The following ZNF483 variants were observed in gnomAD, a reference collection of about 807,000 sequenced individuals.
ZNF483 encodes the protein zinc finger protein 483, also known as zinc finger protein HIT-10.
A neutral mutation model predicts 28.6 loss-of-function variants in ZNF483; 9 were observed. The ratio of observed to expected loss-of-function variants is 0.32; its 90% CI spans 0.19 to 0.55. The LOEUF is 0.55. Ranked by LOEUF, ZNF483 falls within the 20% of genes least tolerant of loss-of-function variation. The pLI, the probability that ZNF483 is intolerant of heterozygous loss-of-function variation, is 0.93. For synonymous variants in ZNF483, 322 were observed against 306.2 expected (o/e 1.05, Z -0.54); for missense variants, 675 against 871.7 (o/e 0.77, Z 2.84).
chr9:111,527,308 A>G lies in ZNF483; in HGVS notation c.-88A>G. 7.2e-7 allele frequency: 1 copy of G among 1,397,436 alleles called. No homozygotes were observed. Among genetic ancestry groups the G allele is most frequent in the East Asian group, 2.3e-5 (1 of 43,350 alleles). 86.6% of individuals were successfully genotyped at this position (1,397,436 alleles called of 1,614,324 possible). A position where few individuals can be genotyped will look rare whatever the true frequency, so the allele number is the denominator to read the frequency against. On this transcript the variant is annotated 5_prime_UTR_variant, in exon 2 of 6. It adds an upstream start codon to the 5' untranslated region. Coordinates refer to ENST00000309235, the MANE Select transcript of ZNF483 (RefSeq NM_133464.5). ...AAACTGGATTCCTGGAACCTTTGAT[A>G]TTCCTGGCTGTGTATAGTGCCTGTT...
Position 111,548,227 on chromosome 9 carries a change from C to T in ZNF483, c.*5057C>T, listed in dbSNP as rs188190223. On this transcript the variant is annotated 3_prime_UTR_variant, in exon 6 of 6. Transcript: ENST00000309235. ...TTGGGCTTGCATTGAATTTGTAGATCGCTTTGGGTAATGTGGACATACTAA... is the reference window on the plus strand; with the variant it reads ...TTGGGCTTGCATTGAATTTGTAGATTGCTTTGGGTAATGTGGACATACTAA... 2.7e-4 allele frequency among the ~76,000 whole-genome samples: 41 copies of T among 152,166 alleles called. No individual in the cohort carries two copies. Among genetic ancestry groups the T allele is most frequent in the African/African-American group, 8.4e-4 (35 of 41,526 alleles).
rs772558014 is a variant in ZNF483 at position 111,551,514 on chromosome 9, TCTC to T, written c.*8347_*8349del. On this transcript the variant is annotated 3_prime_UTR_variant, in exon 6 of 6. Transcript: ENST00000309235. ...CCTCCGCCTCCTGGGTTCCAGCAATTCTCCTGCTTCAGCCTCCCCAGTAGCTGA... is the reference window on the plus strand; with the variant it reads ...CCTCCGCCTCCTGGGTTCCAGCAATTCTGCTTCAGCCTCCCCAGTAGCTGA... Among the ~76,000 whole-genome samples, 1 of 150,082 alleles carries T rather than the reference TCTC, an allele frequency of 6.7e-6. No homozygotes were observed. Among genetic ancestry groups the T allele is most frequent in the African/African-American group, 2.4e-5 (1 of 40,842 alleles).
rs773326963 is a variant in ZNF483, at chr9:111,527,938, C to T, written c.412+131C>T. The T allele has an allele frequency of 5.8e-6, 9 of 1,558,244 alleles. No individual in the cohort carries two copies. In the South Asian group the frequency reaches 9.4e-5, roughly 16 times the overall value. On this transcript the variant is annotated intron_variant, in intron 2 of 5. Coordinates refer to ENST00000309235, the MANE Select transcript of ZNF483 (RefSeq NM_133464.5). Reference sequence around the variant, plus strand: ...GAAGTTGGGACTGGGTTTGAATCAGCCCTGCCATTTACTGTGTGATTTTGG... The same window carrying T: ...GAAGTTGGGACTGGGTTTGAATCAGTCCTGCCATTTACTGTGTGATTTTGG...
chr9:111,532,724 C>T (rs1827379535), intron 3 of ZNF483, among the ~76,000 whole-genome samples: 1 of 152,122 alleles, frequency 6.6e-6, no homozygotes, highest in African/African-American at 2.4e-5. Context: ...TTATAAAAAG[C>T]ATGCAGAGAA....
At position 111,545,398 on chromosome 9, in the gene ZNF483, A is replaced by G. The variant is rs1420093891; in HGVS notation, c.*2228A>G. 6.6e-6 allele frequency among the ~76,000 whole-genome samples: 1 copy of G among 152,208 alleles called. No homozygotes were observed. Among genetic ancestry groups the G allele is most frequent in the Non-Finnish European group, 1.5e-5 (1 of 68,040 alleles). On this transcript the variant is annotated 3_prime_UTR_variant, in exon 6 of 6. Transcript: ENST00000309235. ...CCAGTATCCATTGGGAATCTGGAGTATAAACTTTTTTTTTAAAGGAATTTA... is the reference window on the plus strand; with the variant it reads ...CCAGTATCCATTGGGAATCTGGAGTGTAAACTTTTTTTTTAAAGGAATTTA...
chr9:111,544,509 C>G lies in ZNF483; in HGVS notation c.*1339C>G. 1 of 309,154 alleles carries G rather than the reference C, an allele frequency of 3.2e-6. No homozygotes were observed. The highest frequency in any genetic ancestry group is 4.7e-6 in the Non-Finnish European group (1 of 211,328). 19.2% of individuals were successfully genotyped at this position (309,154 alleles called of 1,614,324 possible). ...TCAGCTGGTCCTGGGTAGCAGCTGC[C>G]ACCTTTTGATGGGGAATCAACTTTC... On this transcript the variant is annotated 3_prime_UTR_variant, in exon 6 of 6. Transcript: ENST00000309235.
rs1827806814 is a variant in ZNF483, at chr9:111,546,322, A to C, written c.*3152A>C. Among the ~76,000 whole-genome samples, 1 of 152,188 alleles carries C rather than the reference A, an allele frequency of 6.6e-6. No individual in the cohort carries two copies. Among genetic ancestry groups the C allele is most frequent in the Admixed American group, 6.5e-5 (1 of 15,280 alleles). On this transcript the variant is annotated 3_prime_UTR_variant, in exon 6 of 6. Transcript: ENST00000309235. ...AATATGAACTTTCTAAATACCATGT[A>C]CTAGCTACAGAGAGCAGCCCAAACT...
downstream of ZNF483, among the ~76,000 whole-genome samples, chr9:111,560,104 G>A (rs1156752306): frequency 1.3e-5 from 2 of 151,992 alleles, no homozygotes; most frequent in Non-Finnish European, 2.9e-5. Flanking sequence ...CCAGCACTTT[G>A]GGAGGCCTAG....
At chr9:111,528,654 CAT>C (rs544992782) in intron 2 of ZNF483, among the ~76,000 whole-genome samples, 22 of 152,250 alleles carry the variant, frequency 1.4e-4, no homozygotes, top group African/African-American at 2.6e-4. Context: ...GGGCTCCTGA[CAT>C]ATGTGTGACA....
At position 111,543,258 on chromosome 9, in the gene ZNF483, A is replaced by G. The variant is rs1055719167; in HGVS notation, c.*88A>G. ...ATGTAAACTTACAGTATTGATCAGT[A>G]GCTGCAGCTTTCGTAAATTGGCAGT... On this transcript the variant is annotated 3_prime_UTR_variant, in exon 6 of 6. Coordinates refer to ENST00000309235, the MANE Select transcript of ZNF483 (RefSeq NM_133464.5). 1.4e-6 allele frequency: 2 copies of G among 1,478,666 alleles called. No individual in the cohort carries two copies. The highest frequency in any genetic ancestry group is 2.3e-5 in the East Asian group (1 of 42,836). The allele number at this position is 1,478,666 out of a possible 1,614,324, so 91.6% of individuals were successfully genotyped here. A position where few individuals can be genotyped will look rare whatever the true frequency, so the allele number is the denominator to read the frequency against.
chr9:111,527,857 C>G (rs368349030), intron 2 of ZNF483, 50 bp downstream of exon 2: 27 of 1,613,722 alleles, frequency 1.7e-5, no homozygotes, highest in East Asian at 1.1e-4. Context: ...CCTCAAAGTC[C>G]GAAAGTAAAT....
chr9:111,534,438 T>C lies in ZNF483; in HGVS notation c.721+85T>C, dbSNP rs997480479. 7.1e-6 allele frequency: 8 copies of C among 1,124,406 alleles called. No individual in the cohort carries two copies. In the Admixed American group the frequency reaches 1.5e-4, roughly 21 times the overall value. 69.7% of individuals were successfully genotyped at this position (1,124,406 alleles called of 1,614,324 possible). A position where few individuals can be genotyped will look rare whatever the true frequency, so the allele number is the denominator to read the frequency against. On this transcript the variant is annotated intron_variant, in intron 5 of 5. Transcript: ENST00000309235. ...AGACTCTTTGAAATGTTGGGCTGCC[T>C]AGATACTAAAATACAAAGATGATTA...
In ZNF483 at chr9:111,535,563, GAGA is replaced by G. The variant is rs1827472066; in HGVS notation, c.721+1211_721+1213del. Among the ~76,000 whole-genome samples, 19 of 152,292 alleles carry G rather than the reference GAGA, an allele frequency of 1.2e-4. 1 individual carries two copies. In the South Asian group the frequency reaches 3.9e-3, roughly 32 times the overall value. On this transcript the variant is annotated intron_variant, in intron 5 of 5. Coordinates refer to ENST00000309235, the MANE Select transcript of ZNF483 (RefSeq NM_133464.5). ...GAATTAGGTTTTGTTTTGTTTTCTT[GAGA>G]TGGAGTCTTGCTCTGTCACCAGGCT...
intron 2 of ZNF483, among the ~76,000 whole-genome samples, chr9:111,529,223 TC>T (rs2132216949): frequency 6.6e-6 from 1 of 152,352 alleles, no homozygotes; most frequent in Admixed American, 6.5e-5. Context: ...ATTACGTAAT[TC>T]TAATTCTTAA....
At chr9:111,572,159 C>T (rs1828846371) in intron 5 of ZNF483, among the ~76,000 whole-genome samples, 1 of 152,178 alleles carries the variant, frequency 6.6e-6, no homozygotes, top group African/African-American at 2.4e-5. Flanking sequence ...AGGAAAGTAA[C>T]ATTAGCAGTT....
At chr9:111,538,037 G>A (rs113989274) in intron 5 of ZNF483, among the ~76,000 whole-genome samples, 10 of 152,056 alleles carry the variant, frequency 6.6e-5, no homozygotes, top group African/African-American at 2.4e-4. Context: ...ATTTTAACTT[G>A]ATAATTTGTG....
chr9:111,539,453 G>A, intron 5 of ZNF483: 1 of 455,934 alleles, frequency 2.2e-6, no homozygotes, highest in South Asian at 1.5e-5. Flanking sequence ...TAGGAAGTGT[G>A]ATTTGATAAA....
chr9:111,533,023 T>C (rs1827388843), intron 3 of ZNF483, among the ~76,000 whole-genome samples: 1 of 152,220 alleles, frequency 6.6e-6, no homozygotes, highest in African/African-American at 2.4e-5. Context: ...TCTCTGAATA[T>C]GATGGAAGAT....
chr9:111,566,395 G>GC (rs1306710147), intron 5 of ZNF483, among the ~76,000 whole-genome samples: 2 of 152,202 alleles, frequency 1.3e-5, no homozygotes, highest in Admixed American at 1.3e-4. Flanking sequence ...GCCCGGCACT[G>GC]CAAGTGCTAT....
Sources: allele counts gnomAD v4.1 joint callset (sites outside exome capture counted in the v4.1 genomes callset), GRCh38; gene constraint gnomAD v4.1.1; transcripts MANE v1.5; gene names NCBI Gene and HGNC (gene_info 2026-07-23, HGNC 2026-07-21).